INTS9: variants seen among roughly 807,000 people sequenced by gnomAD.
The protein encoded by INTS9 is integrator complex subunit 9, also known as protein related to CPSF subunits of 74 kDa.
INTS9 carries 55 observed loss-of-function variants against 79.7 expected under a neutral mutation model. The observed-to-expected ratio is 0.69, with a 90% CI of 0.56 to 0.86. The LOEUF is 0.86. Among genes scored for constraint, INTS9 ranks in the 40% least tolerant of loss-of-function variants. INTS9 has a pLI of 0.00. For missense variants in INTS9, 721 were observed against 831.5 expected, an observed-to-expected ratio of 0.87 and a Z score of 1.64; for synonymous variants, 319 against 325.2, an observed-to-expected ratio of 0.98 and a Z score of 0.20.
At chr8:28,805,622 G>C (rs1804765245) in intron 8 of INTS9, among the ~76,000 whole-genome samples, 1 of 152,142 alleles carries the variant, frequency 6.6e-6, no homozygotes, top group South Asian at 2.1e-4. Context: ...TTTCACCATG[G>C]TCATCATAGG....
chr8:28,789,823 A>G (rs1803823103), intron 10 of INTS9, among the ~76,000 whole-genome samples: 1 of 152,160 alleles, frequency 6.6e-6, no homozygotes, highest in Non-Finnish European at 1.5e-5. Context: ...GGCTGCAGTG[A>G]GCCGTGATTG....
At chr8:28,839,349 A>C (rs959953625) in intron 4 of INTS9, among the ~76,000 whole-genome samples, 5 of 152,072 alleles carry the variant, frequency 3.3e-5, no homozygotes, top group African/African-American at 7.2e-5. Context: ...CAATATCATG[A>C]AAATGGCCAT....
At position 28,859,459 on chromosome 8, in the gene INTS9, G is replaced by A. The variant is rs139429194; in HGVS notation, c.114C>T (p.Phe38=). 1.2e-6 allele frequency: 2 copies of A among 1,614,042 alleles called. No homozygotes were observed. The highest frequency in any genetic ancestry group is 1.7e-6 in the Non-Finnish European group (2 of 1,180,004). ...CGLDMTSTLN[F]LPLPLVQSPR... ...ACCTTTGAACAAGTGGCAAAGGAAG[G>A]AAATTGAGGGTAGAAGTCATGTCCA... Residue 38 remains phenylalanine, a synonymous_variant, in exon 2 of 17, where the codon TTC becomes TTT. Coordinates refer to ENST00000521022, the MANE Select transcript of INTS9 (RefSeq NM_018250.4).
At chr8:28,794,737 A>G (rs1804104058) in intron 9 of INTS9, among the ~76,000 whole-genome samples, 1 of 152,214 alleles carries the variant, frequency 6.6e-6, no homozygotes, top group Non-Finnish European at 1.5e-5. Context: ...GAACATGTTG[A>G]AAATGCAACT....
At chr8:28,792,052 A>G (rs999245032) in intron 10 of INTS9, among the ~76,000 whole-genome samples, 1 of 152,248 alleles carries the variant, frequency 6.6e-6, no homozygotes, top group African/African-American at 2.4e-5. Context: ...ACCACAGAGT[A>G]CAATTATAAG....
At chr8:28,839,494 G>T (rs1311040337) in intron 4 of INTS9, among the ~76,000 whole-genome samples, 10 of 152,180 alleles carry the variant, frequency 6.6e-5, no homozygotes, top group Non-Finnish European at 1.5e-5. Context: ...TCAATCCTAA[G>T]CCAAAAGAAC....
chr8:28,857,456 C>T (rs1012368967), intron 2 of INTS9, among the ~76,000 whole-genome samples: 34 of 151,962 alleles, frequency 2.2e-4, no homozygotes, highest in African/African-American at 7.7e-4. Flanking sequence ...AGAGTGAAGA[C>T]TGGACAGGGT....
chr8:28,846,266 A>G (rs1462307709), intron 4 of INTS9, among the ~76,000 whole-genome samples: 2 of 152,242 alleles, frequency 1.3e-5, no homozygotes, highest in Admixed American at 1.3e-4. Flanking sequence ...TCACTGTGAT[A>G]ATAATATGTA....
chr8:28,855,697 T>G (rs935903994), intron 2 of INTS9, among the ~76,000 whole-genome samples: 1 of 152,202 alleles, frequency 6.6e-6, no homozygotes, highest in African/African-American at 2.4e-5. Flanking sequence ...TTTTCTCTTT[T>G]GCTATAACGG....
chr8:28,875,658 A>G (rs948964244), intron 1 of INTS9, among the ~76,000 whole-genome samples: 1 of 151,446 alleles, frequency 6.6e-6, no homozygotes, highest in African/African-American at 2.4e-5. Context: ...CCCCCTACCC[A>G]CCCCTGATAA....
At chr8:28,825,303 T>C (rs1806085775) in intron 6 of INTS9, among the ~76,000 whole-genome samples, 1 of 152,166 alleles carries the variant, frequency 6.6e-6, no homozygotes, top group Non-Finnish European at 1.5e-5. Context: ...TGATGGATAA[T>C]GATGAATAAC....
At chr8:28,851,624 A>T (rs568033903) in intron 2 of INTS9, among the ~76,000 whole-genome samples, 21 of 151,812 alleles carry the variant, frequency 1.4e-4, no homozygotes, top group Non-Finnish European at 2.6e-4. Flanking sequence ...TTTTTAGTAG[A>T]GATGGGGTTT....
intron 11 of INTS9, among the ~76,000 whole-genome samples, chr8:28,782,495 A>G (rs561377759): frequency 6.6e-6 from 1 of 152,370 alleles, no homozygotes; most frequent in East Asian, 1.9e-4. Flanking sequence ...CTACTAGAGA[A>G]GCTTCTCTGA....
intron 10 of INTS9, among the ~76,000 whole-genome samples, chr8:28,792,552 C>CA (rs35056670): frequency 0.59 from 88,750 of 149,194 alleles, 26,786 homozygotes; most frequent in Non-Finnish European, 0.66. Context: ...CAAACAAAAA[C>CA]AAAAAAAAAA....
Position 28,855,736 on chromosome 8 carries a change from A to G in INTS9, c.137+3700T>C, listed in dbSNP as rs141577793. 1.3e-3 allele frequency among the ~76,000 whole-genome samples: 191 copies of G among 152,322 alleles called. 1 individual carries two copies. Among genetic ancestry groups the G allele is most frequent in the African/African-American group, 4.3e-3 (178 of 41,584 alleles). Reference sequence around the variant, plus strand: ...ACATAGTGAATTATGACTTGGTAAAAGTGCAGACATATGTATAAGGTATAC... The same window carrying G: ...ACATAGTGAATTATGACTTGGTAAAGGTGCAGACATATGTATAAGGTATAC... On this transcript the variant is annotated intron_variant, in intron 2 of 16. Coordinates refer to ENST00000521022, the MANE Select transcript of INTS9 (RefSeq NM_018250.4).
chr8:28,773,766 C>T (rs1366924659), intron 14 of INTS9, among the ~76,000 whole-genome samples: 9 of 152,020 alleles, frequency 5.9e-5, no homozygotes, highest in Admixed American at 5.2e-4. Context: ...AAGTGATTCA[C>T]CCCCGCCTCA....
intron 1 of INTS9, among the ~76,000 whole-genome samples, chr8:28,880,306 C>T (rs866338791): frequency 6.7e-5 from 10 of 149,762 alleles, no homozygotes; most frequent in Non-Finnish European, 1.5e-5. Context: ...CCTCTGATGC[C>T]GAGCCAAAGC....
At chr8:28,832,479 G>A (rs776700931) in intron 6 of INTS9, among the ~76,000 whole-genome samples, 1 of 152,186 alleles carries the variant, frequency 6.6e-6, no homozygotes, top group South Asian at 2.1e-4. Flanking sequence ...CACAAGAAGC[G>A]GCTGACACGC....
chr8:28,780,111 G>A (rs1239068732), intron 12 of INTS9, among the ~76,000 whole-genome samples: 5 of 142,392 alleles, frequency 3.5e-5, no homozygotes, highest in Admixed American at 7.3e-5. Flanking sequence ...ACCCAAGGCC[G>A]ACTGAAGACC....
Sources: allele counts gnomAD v4.1 joint callset (sites outside exome capture counted in the v4.1 genomes callset), GRCh38; gene constraint gnomAD v4.1.1; transcripts MANE v1.5; gene names NCBI Gene and HGNC (gene_info 2026-07-23, HGNC 2026-07-21).